TGFB3: variants seen among roughly 807,000 people sequenced by gnomAD.
TGFB3 encodes transforming growth factor beta 3.
A neutral mutation model predicts 40.1 loss-of-function variants in TGFB3; 5 were observed. The observed-to-expected ratio is 0.12, with a 90% CI of 0.07 to 0.26. The LOEUF is 0.26. Ranked by LOEUF, TGFB3 falls within the 10% of genes least tolerant of loss-of-function variation. The pLI is 1.00. For synonymous variants in TGFB3, 184 were observed against 205.6 expected, an observed-to-expected ratio of 0.89 and a Z score of 0.90; for missense variants, 373 against 530.1, an observed-to-expected ratio of 0.70 and a Z score of 2.91.
At chr14:75,960,897 T>G (rs958019016) in intron 6 of TGFB3, 26 bp downstream of exon 6, 2 of 1,613,868 alleles carry the variant, frequency 1.2e-6, no homozygotes, top group Admixed American at 3.3e-5. Flanking sequence ...CCCCAGTGCC[T>G]CAGATGGCAT....
At chr14:75,963,204 G>C (rs1208118614) in intron 5 of TGFB3, 112 bp downstream of exon 5, 1 of 1,196,748 alleles carries the variant, frequency 8.4e-7, no homozygotes. Context: ...GGAGATGTTT[G>C]TGAATAGCAT....
rs565684186 is a variant in TGFB3 at position 75,959,777 on chromosome 14, G to GA, written c.1081-433dup. Among the ~76,000 whole-genome samples, 878 of 133,912 alleles carry GA rather than the reference G, an allele frequency of 6.6e-3. 3 individuals carry two copies. The highest frequency in any genetic ancestry group is 6.8e-3 in the Admixed American group (91 of 13,316). The allele number at this position is 133,912 out of a possible 152,430, so 87.9% of individuals were successfully genotyped here. A position where few individuals can be genotyped will look rare whatever the true frequency, so the allele number is the denominator to read the frequency against. ...CAGAGTGAGTCTGTCTCAAAAAAAA[G>GA]AAAAAAAAAAAAACTGTTGGAACCT... On this transcript the variant is annotated intron_variant, in intron 6 of 6. Transcript: ENST00000238682.
Position 75,979,196 on chromosome 14 carries a change from C to T in TGFB3, c.352+1346G>A, listed in dbSNP as rs2035391402. On this transcript the variant is annotated intron_variant, in intron 1 of 6. Coordinates refer to ENST00000238682, the MANE Select transcript of TGFB3 (RefSeq NM_003239.5). This position sits in a 1 kb window ranked among gnomAD's most constrained non-coding sequence, Gnocchi z 4.8. ...TGGAGCGGGAACCCCTCGCCAGTAA[C>T]CACAGGCTCCTCTGCCTGGCGTGGA... is the stretch of plus-strand genomic sequence containing the variant. 1.3e-5 allele frequency among the ~76,000 whole-genome samples: 2 copies of T among 152,200 alleles called. No individual in the cohort carries two copies.
intron 4 of TGFB3, among the ~76,000 whole-genome samples, chr14:75,964,629 G>A (rs900437798): frequency 2.6e-5 from 4 of 152,270 alleles, no homozygotes; most frequent in Non-Finnish European, 4.4e-5. Flanking sequence ...TCAGGAAGGG[G>A]CACCAGATCT....
In TGFB3 at chr14:75,980,719, G is replaced by T. The variant is rs748843666; in HGVS notation, c.175C>A (p.Pro59Thr). ...TAGGGGACGTGGGTCATCACCGTTG[G>T]CTCAGGGGGGCTGGTGAGCCTGAGC... ...SKLRLTSPPE[P>T]TVMTHVPYQV... is the part of the protein sequence containing the mutation. Residue 59 changes from proline to threonine, a missense_variant, in exon 1 of 7, where the codon CCA (proline) becomes ACA (threonine). By Grantham distance (38) the Pro-to-Thr change is conservative. Coordinates refer to ENST00000238682, the MANE Select transcript of TGFB3 (RefSeq NM_003239.5). The surrounding 1 kb of genome is among the most constrained non-coding windows in gnomAD (Gnocchi z 4.3). 1 of 1,614,078 alleles carries T rather than the reference G, an allele frequency of 6.2e-7. No homozygotes were observed. Among genetic ancestry groups the T allele is most frequent in the Non-Finnish European group, 8.5e-7 (1 of 1,180,042 alleles).
chr14:75,971,784 C>T lies in TGFB3; in HGVS notation c.353-66G>A, dbSNP rs1181189073. On this transcript the variant is annotated intron_variant, in intron 1 of 6. Coordinates refer to ENST00000238682, the MANE Select transcript of TGFB3 (RefSeq NM_003239.5). The surrounding 1 kb of genome is among the most constrained non-coding windows in gnomAD (Gnocchi z 4.5). ...ACATGCAGGAACAGTGTGCTGCCAA[C>T]GGACAGGCACCAAGTGGCCACCGTC... 9 of 1,581,950 alleles carry T rather than the reference C, an allele frequency of 5.7e-6. No individual in the cohort carries two copies. The highest frequency in any genetic ancestry group is 1.7e-5 in the Admixed American group (1 of 59,138).
At position 75,971,329 on chromosome 14, in the gene TGFB3, C is replaced by A. The variant is rs778048390; in HGVS notation, c.517-74G>T. The A allele has an allele frequency of 8.1e-6, 13 of 1,609,650 alleles. No individual in the cohort carries two copies. The highest frequency in any genetic ancestry group is 1.1e-5 in the Non-Finnish European group (13 of 1,177,894). Reference sequence around the variant, plus strand: ...CCAGAAGATGTCACAATGCAGAGCACAGGTGAGGGAGCGATAGGAAACCAG... The same window carrying A: ...CCAGAAGATGTCACAATGCAGAGCAAAGGTGAGGGAGCGATAGGAAACCAG... On this transcript the variant is annotated intron_variant, in intron 2 of 6. Coordinates refer to ENST00000238682, the MANE Select transcript of TGFB3 (RefSeq NM_003239.5). The surrounding 1 kb of genome is among the most constrained non-coding windows in gnomAD (Gnocchi z 4.5).
chr14:75,960,047 A>C (rs756192755), intron 6 of TGFB3, among the ~76,000 whole-genome samples: 1 of 139,804 alleles, frequency 7.2e-6, no homozygotes, highest in African/African-American at 2.7e-5. Flanking sequence ...GGTTCAAGCG[A>C]TTCTCCTGCC....
In TGFB3 at chr14:75,971,334, G is replaced by GA; in HGVS notation, c.517-80dup. On this transcript the variant is annotated intron_variant, in intron 2 of 6. Transcript: ENST00000238682. The surrounding 1 kb of genome is among the most constrained non-coding windows in gnomAD (Gnocchi z 4.5). ...AGATGTCACAATGCAGAGCACAGGTGAGGGAGCGATAGGAAACCAGTGGTT... is the reference window on the plus strand; with the variant it reads ...AGATGTCACAATGCAGAGCACAGGTGAAGGGAGCGATAGGAAACCAGTGGTT... The GA allele has an allele frequency of 7.5e-6, 12 of 1,606,848 alleles. No homozygotes were observed. Among genetic ancestry groups the GA allele is most frequent in the Admixed American group, 1.7e-5 (1 of 59,366 alleles).
chr14:75,976,123 C>T (rs1283129447), intron 1 of TGFB3, among the ~76,000 whole-genome samples: 1 of 152,196 alleles, frequency 6.6e-6, no homozygotes, highest in Non-Finnish European at 1.5e-5. Flanking sequence ...TGTTCAGACA[C>T]CTGGGTGGCT....
At position 75,959,211 on chromosome 14, in the gene TGFB3, C is replaced by A. The variant is rs1439535367; in HGVS notation, c.1215G>T (p.Val405=). 6.2e-7 allele frequency: 1 copy of A among 1,614,158 alleles called. No individual in the cohort carries two copies. The highest frequency in any genetic ancestry group is 2.2e-5 in the East Asian group (1 of 44,868). ...TPKVEQLSNM[V]VKSCKCS The stretch of plus-strand genomic sequence containing the variant: ...CTCAGCTACATTTACAAGACTTCAC[C>A]ACCATGTTGGAGAGCTGCTCCACTT... Residue 405 remains valine (V), a synonymous_variant, in exon 7 of 7, where the codon GTG becomes GTT. Transcript: ENST00000238682.
intron 4 of TGFB3, among the ~76,000 whole-genome samples, chr14:75,964,347 A>C (rs1022011049): frequency 1.2e-4 from 18 of 152,220 alleles, no homozygotes; most frequent in African/African-American, 4.3e-4. Flanking sequence ...TAACATTCAC[A>C]TTGCACTTAG....
At position 75,971,136 on chromosome 14, in the gene TGFB3, C is replaced by T; in HGVS notation, c.636G>A (p.Leu212=). The T allele has an allele frequency of 6.2e-7, 1 of 1,614,078 alleles. No individual in the cohort carries two copies. ...FDVTDTVREW[L]LRRESNLGLE... Reference sequence around the variant, plus strand: ...GAAGGGTCCACCTACCTCTTCTCAACAGCCACTCACGCACAGTGTCAGTGA... The same window carrying T: ...GAAGGGTCCACCTACCTCTTCTCAATAGCCACTCACGCACAGTGTCAGTGA... Residue 212 remains leucine (L), a synonymous_variant, in exon 3 of 7, where the codon CTG becomes CTA. Coordinates refer to ENST00000238682, the MANE Select transcript of TGFB3 (RefSeq NM_003239.5). The surrounding 1 kb of genome is among the most constrained non-coding windows in gnomAD (Gnocchi z 4.5).
intron 4 of TGFB3, 80 bp downstream of exon 4, chr14:75,965,508 G>T: frequency 8.2e-7 from 1 of 1,221,922 alleles, no homozygotes. Context: ...CTTGAGGTCT[G>T]GTAAGGGTCT....
At position 75,979,187 on chromosome 14, in the gene TGFB3, C is replaced by G. The variant is rs759899903; in HGVS notation, c.352+1355G>C. ...ACAGGAAGCTGGAGCGGGAACCCCT[C>G]GCCAGTAACCACAGGCTCCTCTGCC... is the stretch of plus-strand genomic sequence containing the variant. On this transcript the variant is annotated intron_variant, in intron 1 of 6. Coordinates refer to ENST00000238682, the MANE Select transcript of TGFB3 (RefSeq NM_003239.5). This position sits in a 1 kb window ranked among gnomAD's most constrained non-coding sequence, Gnocchi z 4.8. Among the ~76,000 whole-genome samples the G allele has an allele frequency of 6.6e-6, 1 of 152,296 alleles. No homozygotes were observed. The highest frequency in any genetic ancestry group is 1.5e-5 in the Non-Finnish European group (1 of 68,016).
At chr14:75,970,332 C>A (rs963013175) in intron 3 of TGFB3, among the ~76,000 whole-genome samples, 1 of 151,970 alleles carries the variant, frequency 6.6e-6, no homozygotes, top group Non-Finnish European at 1.5e-5. Context: ...CCAAAGTGGG[C>A]GGATCACTTG....
rs2035389611 is a variant in TGFB3 at position 75,979,068 on chromosome 14, A to G, written c.352+1474T>C. ...GTGGGTCTCTGAGCCAGCCCCACCC[A>G]GAGACCCTGGGCAGGGAGTAGTAGC... On this transcript the variant is annotated intron_variant, in intron 1 of 6. Transcript: ENST00000238682. This position sits in a 1 kb window ranked among gnomAD's most constrained non-coding sequence, Gnocchi z 4.8. 6.6e-6 allele frequency among the ~76,000 whole-genome samples: 1 copy of G among 152,164 alleles called. No individual in the cohort carries two copies. The highest frequency in any genetic ancestry group is 1.5e-5 in the Non-Finnish European group (1 of 68,006).
rs1259977528 is a variant in TGFB3 at position 75,979,527 on chromosome 14, T to A, written c.352+1015A>T. Among the ~76,000 whole-genome samples the A allele has an allele frequency of 6.6e-6, 1 of 152,208 alleles. No individual in the cohort carries two copies. Among genetic ancestry groups the A allele is most frequent in the African/African-American group, 2.4e-5 (1 of 41,446 alleles). Reference sequence around the variant, plus strand: ...ATTCCTCTTTCCTGGGCTGTCAGTTTCTCAACATCTGCCAAATTTCTCTCT... The same window carrying A: ...ATTCCTCTTTCCTGGGCTGTCAGTTACTCAACATCTGCCAAATTTCTCTCT... On this transcript the variant is annotated intron_variant, in intron 1 of 6. Transcript: ENST00000238682. This position sits in a 1 kb window ranked among gnomAD's most constrained non-coding sequence, Gnocchi z 4.8.
At chr14:75,963,281 A>G in intron 5 of TGFB3, 35 bp downstream of exon 5, 4 of 1,613,556 alleles carry the variant, frequency 2.5e-6, no homozygotes, top group Middle Eastern at 1.7e-4. Context: ...GTAGGCAGGC[A>G]GTAGATGTTG....
Sources: allele counts gnomAD v4.1 joint callset (sites outside exome capture counted in the v4.1 genomes callset), GRCh38; gene constraint gnomAD v4.1.1; non-coding constraint Gnocchi (gnomAD v3.1); transcripts MANE v1.5; gene names NCBI Gene and HGNC (gene_info 2026-07-23, HGNC 2026-07-21).